Variants in BIN2 observed in about 807,000 individuals in gnomAD.
BIN2 encodes the protein bridging integrator 2, also known as breast cancer associated protein BRAP1.
BIN2 carries 43 observed loss-of-function variants against 67.9 expected under a neutral mutation model. The observed-to-expected ratio is 0.63, with a 90% confidence interval of 0.50 to 0.82. The LOEUF is 0.82. BIN2 is among the 40% of genes least tolerant of loss of function. The pLI is 0.00. For missense variants in BIN2, 581 were observed against 671.6 expected (o/e 0.87, Z 1.49); for synonymous variants, 244 against 246.8 (o/e 0.99, Z 0.11).
At chr12:51,314,014 G>GTATT (rs1946061736) in intron 1 of BIN2, 111 bp from the exon 2 acceptor site, 6 of 437,594 alleles carry the variant, frequency 1.4e-5, no homozygotes, top group Non-Finnish European at 2.4e-5. Flanking sequence ...CTCAAGGGCT[G>GTATT]TACTTATTTA....
rs1398169861 is a variant in BIN2, at chr12:51,305,919, C to T, written c.163-2778G>A. 2.0e-5 allele frequency among the ~76,000 whole-genome samples: 3 copies of T among 148,590 alleles called. No homozygotes were observed. The Admixed American group carries it at 2.0e-4, about 10-fold the overall frequency. On this transcript the variant is annotated intron_variant, in intron 2 of 12. Coordinates refer to ENST00000615107, the MANE Select transcript of BIN2 (RefSeq NM_016293.4). The stretch of plus-strand genomic sequence containing the variant: ...CGTGATCTTGGCTCACTGCAACCTC[C>T]GCCTCCTGGGTTCAAGCGACAATTC...
At chr12:51,313,755 T>C in intron 2 of BIN2, 68 bp downstream of exon 2, 1 of 1,387,616 alleles carries the variant, frequency 7.2e-7, no homozygotes. Context: ...AACTTATTGT[T>C]CTTCTGCCAC....
At chr12:51,296,775 A>C (rs1945578216) in intron 8 of BIN2, among the ~76,000 whole-genome samples, 1 of 152,126 alleles carries the variant, frequency 6.6e-6, no homozygotes, top group Non-Finnish European at 1.5e-5. Context: ...CAGCAACAAT[A>C]GATAGATATT....
chr12:51,310,132 C>T (rs934563724), intron 2 of BIN2, among the ~76,000 whole-genome samples: 1 of 152,144 alleles, frequency 6.6e-6, no homozygotes, highest in Non-Finnish European at 1.5e-5. Flanking sequence ...TGGAAGAATA[C>T]AATAACACCT....
At chr12:51,319,277 G>A (rs780970966) in intron 1 of BIN2, among the ~76,000 whole-genome samples, 24 of 152,100 alleles carry the variant, frequency 1.6e-4, no homozygotes, top group Non-Finnish European at 2.8e-4. Context: ...CGGGGGTTGG[G>A]GGGTACTGAG....
At chr12:51,309,723 G>A (rs185060323) in intron 2 of BIN2, among the ~76,000 whole-genome samples, 5 of 152,200 alleles carry the variant, frequency 3.3e-5, no homozygotes, top group Admixed American at 3.3e-4. Context: ...TTTCTCAAAC[G>A]TATTTTCCCC....
At chr12:51,310,485 G>C (rs1945967671) in intron 2 of BIN2, among the ~76,000 whole-genome samples, 1 of 152,178 alleles carries the variant, frequency 6.6e-6, no homozygotes, top group African/African-American at 2.4e-5. Flanking sequence ...ATTAAGAAAT[G>C]ATTCTGGTTT....
chr12:51,313,702 C>A, intron 2 of BIN2, 121 bp downstream of exon 2: 1 of 894,158 alleles, frequency 1.1e-6, no homozygotes, highest in South Asian at 1.5e-5. Flanking sequence ...GCCCTTAACC[C>A]TAGGGGGAGG....
rs779915952 is a variant in BIN2, at chr12:51,324,093, C to T, written c.10G>A (p.Gly4Ser). 9.3e-6 allele frequency: 15 copies of T among 1,613,302 alleles called. No homozygotes were observed. The Admixed American group carries it at 1.0e-4, about 11-fold the overall frequency. ...AGGCCGGCCGCGCCGCCTGCCTTGC[C>T]CTCTGCCATCCTGCCAACTCCCTGG... MAE[G>S]KAGGAAGLFA... The change falls in exon 1 of 13, where the codon GGC (glycine) becomes AGC (serine). Residue 4 changes from glycine (G) to serine (S), a missense_variant. Coordinates refer to ENST00000615107, the MANE Select transcript of BIN2 (RefSeq NM_016293.4).
intron 2 of BIN2, 140 bp downstream of exon 2, chr12:51,313,683 C>A: frequency 1.4e-6 from 1 of 698,236 alleles, no homozygotes; most frequent in Non-Finnish European, 2.5e-6. Flanking sequence ...AGCAACAGGT[C>A]ACCCTGTAGC....
chr12:51,295,392 C>CAAAAAAAA (rs1178848004), intron 9 of BIN2, among the ~76,000 whole-genome samples: 4 of 91,770 alleles, frequency 4.4e-5, no homozygotes, highest in Non-Finnish European at 6.6e-5. Flanking sequence ...ACTAAAAATA[C>CAAAAAAAA]AAAAAAAAAA....
At chr12:51,286,629 T>C (rs1945242577) in intron 11 of BIN2, among the ~76,000 whole-genome samples, 1 of 152,184 alleles carries the variant, frequency 6.6e-6, no homozygotes, top group Non-Finnish European at 1.5e-5. Flanking sequence ...TAATACATTA[T>C]AAAATCAAAT....
rs770052008 is a variant in BIN2 at position 51,299,698 on chromosome 12, C to A, written c.425G>T (p.Arg142Leu). 6.2e-7 allele frequency: 1 copy of A among 1,614,058 alleles called. No homozygotes were observed. The highest frequency in any genetic ancestry group is 1.1e-5 in the South Asian group (1 of 91,074). The change falls in exon 6 of 13, where the codon CGG becomes CTG. Residue 142 changes from arginine to leucine, a missense_variant. By Grantham distance (102) the Arg-to-Leu change is moderately radical. Coordinates refer to ENST00000615107, the MANE Select transcript of BIN2 (RefSeq NM_016293.4). ...FSEIKERIAK[R>L]GRKLVDYDSA... The stretch of plus-strand genomic sequence containing the variant: ...GTCATAGTCCACGAGTTTCCGACCC[C>A]GCTTGGCAATTCTCTCCTGACCCAG...
chr12:51,313,706 G>T lies in BIN2; in HGVS notation c.162+117C>A, dbSNP rs145821153. The T allele has an allele frequency of 1.2e-3, 1,070 of 908,612 alleles. 5 individuals carry two copies. The Middle Eastern group carries it at 0.013, about 11-fold the overall frequency. The allele number at this position is 908,612 out of a possible 1,614,324, so 56.3% of individuals were successfully genotyped here. A position where few individuals can be genotyped will look rare whatever the true frequency, so the allele number is the denominator to read the frequency against. The stretch of plus-strand genomic sequence containing the variant: ...GTCACCCTGTAGCCCTTAACCCTAG[G>T]GGGAGGGTGGCTTGGTGGAGATGTT... On this transcript the variant is annotated intron_variant, in intron 2 of 12. Coordinates refer to ENST00000615107, the MANE Select transcript of BIN2 (RefSeq NM_016293.4).
intron 10 of BIN2, 68 bp from the exon 11 acceptor site, chr12:51,288,256 C>CT (rs1295064154): frequency 3.6e-5 from 49 of 1,360,554 alleles, no homozygotes; most frequent in Non-Finnish European, 4.9e-5. Flanking sequence ...TCCCTGTGCC[C>CT]TTGGTCCATA....
chr12:51,281,184 C>A lies in BIN2; in HGVS notation c.*315G>T. ...TCTCTGTATAGGCAAGTGTCTGTGT[C>A]TATAGATACTTTTGCTTTTTATAGT... On this transcript the variant is annotated 3_prime_UTR_variant, in exon 13 of 13. Transcript: ENST00000615107. 1 of 368,728 alleles carries A rather than the reference C, an allele frequency of 2.7e-6. No homozygotes were observed. The highest frequency in any genetic ancestry group is 5.0e-6 in the Non-Finnish European group (1 of 198,888). 22.8% of individuals were successfully genotyped at this position (368,728 alleles called of 1,614,324 possible). A position where few individuals can be genotyped will look rare whatever the true frequency, so the allele number is the denominator to read the frequency against.
intron 1 of BIN2, among the ~76,000 whole-genome samples, chr12:51,318,116 C>T (rs1471518556): frequency 1.3e-5 from 2 of 152,184 alleles, no homozygotes; most frequent in Admixed American, 6.5e-5. Flanking sequence ...GCTGGTTCAG[C>T]ATGGCTGTTA....
chr12:51,302,422 C>T, intron 4 of BIN2: 1 of 524,942 alleles, frequency 1.9e-6, no homozygotes, highest in Non-Finnish European at 3.4e-6. Flanking sequence ...TAAAAAACAA[C>T]CAATCTTTAG....
chr12:51,281,465 G>C lies in BIN2; in HGVS notation c.*34C>G. On this transcript the variant is annotated 3_prime_UTR_variant, in exon 13 of 13. Transcript: ENST00000615107. ...TCTGGTTGAAGAGCTTCTCTGGCGA[G>C]GTTTGGGGCAGGAGGAGTCTTGGTA... 6.2e-7 allele frequency: 1 copy of C among 1,607,334 alleles called. No homozygotes were observed.
Sources: gnomAD v4.1 joint callset for allele counts (sites outside exome capture counted in the v4.1 genomes callset) on GRCh38, gnomAD v4.1.1 for gene constraint, MANE v1.5 for transcripts, NCBI Gene and HGNC (gene_info 2026-07-23, HGNC 2026-07-21) for gene names.